RBFOX1: variants seen among roughly 807,000 people sequenced by gnomAD.
RBFOX1 encodes the protein RNA binding fox-1 homolog 1.
In RBFOX1, 8 loss-of-function variants were observed where a neutral mutation model predicts 57.7. The observed-to-expected ratio is 0.14, with a 90% CI of 0.08 to 0.25. The LOEUF (loss-of-function observed/expected upper bound fraction) is 0.25, where lower values mean the gene tolerates loss of function less well. RBFOX1 is among the 10% of genes least tolerant of loss of function. The probability of loss-of-function intolerance (pLI) is 1.00; values close to 1 mark genes in which losing one functional copy is unlikely to be tolerated. For synonymous variants in RBFOX1, 326 were observed against 222.4 expected, an observed-to-expected ratio of 1.47 and a Z score of -4.15; for missense variants, 611 against 548.5, an observed-to-expected ratio of 1.11 and a Z score of -1.14.
chr16:7,085,812 A>G (rs549154797), intron 4 of RBFOX1, among the ~76,000 whole-genome samples: 2 of 152,240 alleles, frequency 1.3e-5, no homozygotes, highest in South Asian at 4.2e-4. Flanking sequence ...AAAGCAATCA[A>G]TCCTGGTTTG....
chr16:6,537,370 A>T (rs916589386), intron 2 of RBFOX1, among the ~76,000 whole-genome samples: 1 of 152,218 alleles, frequency 6.6e-6, no homozygotes, highest in Non-Finnish European at 1.5e-5. Flanking sequence ...GCTTACAATT[A>T]TGGATGAATT....
At chr16:6,243,134 A>G (rs1341334240) in intron 1 of RBFOX1, among the ~76,000 whole-genome samples, 1 of 136,802 alleles carries the variant, frequency 7.3e-6, no homozygotes, top group Non-Finnish European at 1.6e-5. Context: ...ATTGATATTT[A>G]TACGTGTGTC....
intron 2 of RBFOX1, among the ~76,000 whole-genome samples, chr16:6,489,382 A>G (rs1239454099): frequency 1.3e-5 from 2 of 152,194 alleles, no homozygotes; most frequent in Admixed American, 6.5e-5. Context: ...AATGCTTTAA[A>G]ATATTAATTC....
At chr16:6,409,845 A>G (rs1237825513) in intron 2 of RBFOX1, among the ~76,000 whole-genome samples, 1 of 152,114 alleles carries the variant, frequency 6.6e-6, no homozygotes, top group Non-Finnish European at 1.5e-5. Flanking sequence ...GATCTGAGAT[A>G]ATCATTTTGT....
intron 1 of RBFOX1, among the ~76,000 whole-genome samples, chr16:5,274,628 T>C (rs545645870): frequency 2.4e-4 from 37 of 152,254 alleles, no homozygotes; most frequent in African/African-American, 8.7e-4. Flanking sequence ...AGCAGAAGAG[T>C]TGGCTTTATT....
At chr16:5,610,659 T>A (rs2047747245) in intron 3 of RBFOX1, 1 of 151,668 alleles carries the variant, frequency 6.6e-6, no homozygotes, top group Non-Finnish European at 1.5e-5. Context: ...CTGGGAAACA[T>A]AGGGATACTT....
intron 4 of RBFOX1, among the ~76,000 whole-genome samples, chr16:5,989,704 G>T (rs1043891894): frequency 2.6e-5 from 4 of 151,990 alleles, no homozygotes; most frequent in Non-Finnish European, 2.9e-5. Context: ...GGGTGGGGAA[G>T]ATGATCTCAC....
chr16:5,454,795 C>G (rs1307249704), intron 1 of RBFOX1, among the ~76,000 whole-genome samples: 10 of 138,292 alleles, frequency 7.2e-5, no homozygotes, highest in Non-Finnish European at 1.4e-4. Flanking sequence ...CTTTCTCTTT[C>G]TTTCTTTCTT....
intron 3 of RBFOX1, among the ~76,000 whole-genome samples, chr16:5,628,031 A>G (rs2048395368): frequency 6.6e-6 from 1 of 152,188 alleles, no homozygotes; most frequent in African/African-American, 2.4e-5. Context: ...AGAGAGAGGA[A>G]TTCCTTATAT....
At chr16:7,478,513 C>G (rs569805722) in intron 4 of RBFOX1, among the ~76,000 whole-genome samples, 1 of 152,134 alleles carries the variant, frequency 6.6e-6, no homozygotes, top group Admixed American at 6.5e-5. Flanking sequence ...GAGGGGGAGT[C>G]CCTGGTACCA....
At chr16:7,304,003 G>T (rs905189951) in intron 4 of RBFOX1, among the ~76,000 whole-genome samples, 2 of 151,870 alleles carry the variant, frequency 1.3e-5, no homozygotes, top group African/African-American at 4.8e-5. Context: ...CTTTCCGGGG[G>T]ATCAAAAAGC....
intron 1 of RBFOX1, among the ~76,000 whole-genome samples, chr16:6,212,258 T>A (rs982625779): frequency 3.9e-5 from 6 of 152,212 alleles, no homozygotes; most frequent in Non-Finnish European, 1.5e-5. Context: ...TATAATAGTA[T>A]ATATACTATG....
intron 4 of RBFOX1, among the ~76,000 whole-genome samples, chr16:7,093,690 C>T (rs2061237443): frequency 6.6e-6 from 1 of 152,184 alleles, no homozygotes; most frequent in African/African-American, 2.4e-5. Context: ...TCCCCACTCA[C>T]TGCAGACTTT....
intron 4 of RBFOX1, among the ~76,000 whole-genome samples, chr16:7,124,790 AACAG>A (rs2068067788): frequency 6.6e-6 from 1 of 152,020 alleles, no homozygotes; most frequent in South Asian, 2.1e-4. Context: ...TTCCAATGAA[AACAG>A]ACAGCCAGTG....
At chr16:7,350,721 G>T (rs759649646) in intron 4 of RBFOX1, among the ~76,000 whole-genome samples, 1 of 152,122 alleles carries the variant, frequency 6.6e-6, no homozygotes, top group Non-Finnish European at 1.5e-5. Context: ...TTCATTGACC[G>T]GAGAATTCTG....
Position 6,846,670 on chromosome 16 carries a change from A to G in RBFOX1, c.-16+192020A>G, listed in dbSNP as rs183078339. Among the ~76,000 whole-genome samples, 27 of 152,336 alleles carry G rather than the reference A, an allele frequency of 1.8e-4. 1 individual carries two copies. Among genetic ancestry groups the G allele is most frequent in the Non-Finnish European group, 1.5e-4 (10 of 68,024 alleles). On this transcript the variant is annotated intron_variant, in intron 3 of 15. Coordinates refer to ENST00000550418, the MANE Select transcript of RBFOX1 (RefSeq NM_018723.4). ...AGCATCTACAGACGTCAAATAACCA[A>G]TAAAATTTCATGAATGGTAACGTTC...
At chr16:6,002,595 A>G (rs527689001) in intron 4 of RBFOX1, among the ~76,000 whole-genome samples, 1 of 152,318 alleles carries the variant, frequency 6.6e-6, no homozygotes, top group Non-Finnish European at 1.5e-5. Context: ...TCCATAATTG[A>G]GAGAAGAGAA....
intron 4 of RBFOX1, among the ~76,000 whole-genome samples, chr16:7,089,952 G>C (rs2060556864): frequency 6.6e-6 from 1 of 151,988 alleles, no homozygotes. Flanking sequence ...GGAACAGCTG[G>C]ATGCAGGCTG....
At chr16:6,764,458 G>T (rs9924637) in intron 3 of RBFOX1, among the ~76,000 whole-genome samples, 12,235 of 152,148 alleles carry the variant, frequency 0.08, 953 homozygotes, top group East Asian at 0.27. Context: ...ACAACTCTTT[G>T]TCTTCTCTCC....
Sources: allele counts gnomAD v4.1 joint callset (sites outside exome capture counted in the v4.1 genomes callset), GRCh38; gene constraint gnomAD v4.1.1; transcripts MANE v1.5; gene names NCBI Gene and HGNC (gene_info 2026-07-23, HGNC 2026-07-21).